Variants in SNX8 observed in about 807,000 individuals in gnomAD.
SNX8 encodes the protein sorting nexin 8.
In SNX8, 25 loss-of-function variants were observed where a neutral mutation model predicts 51.6. The observed-to-expected ratio is 0.48, with a 90% CI of 0.35 to 0.68. The LOEUF (loss-of-function observed/expected upper bound fraction) is 0.68, where lower values mean the gene tolerates loss of function less well. SNX8 is among the 30% of genes least tolerant of loss of function. SNX8 has a pLI of 0.00. For synonymous variants in SNX8, 324 were observed against 277.0 expected, an observed-to-expected ratio of 1.17 and a Z score of -1.68; for missense variants, 695 against 624.0, an observed-to-expected ratio of 1.11 and a Z score of -1.21.
intron 1 of SNX8, among the ~76,000 whole-genome samples, chr7:2,331,492 T>C (rs1778735778): frequency 6.6e-6 from 1 of 151,758 alleles, no homozygotes; most frequent in Admixed American, 6.6e-5. Flanking sequence ...GATCACGAGG[T>C]CAGGAGATCA....
intron 3 of SNX8, among the ~76,000 whole-genome samples, chr7:2,272,436 G>A (rs1478859237): frequency 6.6e-6 from 1 of 151,152 alleles, no homozygotes; most frequent in Non-Finnish European, 1.5e-5. Context: ...GTGCAGTGGC[G>A]CAATCTCGGC....
chr7:2,269,532 A>AG lies in SNX8; in HGVS notation c.621+26_621+27insC. On this transcript the variant is annotated intron_variant, in intron 5 of 10. Transcript: ENST00000222990. The stretch of plus-strand genomic sequence containing the variant: ...CAATAAAAAAATAAATTAAAAAAAA[A>AG]AAAAAAGAAAAAAAAAAGAAAAATA... 7 of 1,379,310 alleles carry AG rather than the reference A, an allele frequency of 5.1e-6. No homozygotes were observed. In the South Asian group the frequency reaches 8.4e-5, roughly 17 times the overall value. The allele number at this position is 1,379,310 out of a possible 1,614,324, so 85.4% of individuals were successfully genotyped here. A position where few individuals can be genotyped will look rare whatever the true frequency, so the allele number is the denominator to read the frequency against.
At chr7:2,321,575 C>T (rs1346376926) in intron 1 of SNX8, among the ~76,000 whole-genome samples, 4 of 151,694 alleles carry the variant, frequency 2.6e-5, no homozygotes, top group South Asian at 2.1e-4. Context: ...AACAGGCGCC[C>T]GCCACTACGC....
chr7:2,264,007 C>T (rs1265925609), intron 6 of SNX8, among the ~76,000 whole-genome samples: 1 of 152,144 alleles, frequency 6.6e-6, no homozygotes, highest in Non-Finnish European at 1.5e-5. Flanking sequence ...AGCCACCACG[C>T]CTGGCCTGGG....
intron 1 of SNX8, among the ~76,000 whole-genome samples, chr7:2,343,284 A>G (rs1340744057): frequency 6.6e-6 from 1 of 152,112 alleles, no homozygotes; most frequent in African/African-American, 2.4e-5. Flanking sequence ...CTGTATGATG[A>G]AAGAGACCAT....
chr7:2,333,377 T>C (rs1778773190), intron 1 of SNX8, among the ~76,000 whole-genome samples: 1 of 151,908 alleles, frequency 6.6e-6, no homozygotes. Context: ...CTGGCAAACA[T>C]GGTGAAATCC....
At chr7:2,348,695 G>C (rs1049097611) in intron 1 of SNX8, among the ~76,000 whole-genome samples, 2 of 151,474 alleles carry the variant, frequency 1.3e-5, no homozygotes, top group African/African-American at 4.8e-5. Flanking sequence ...GCTCACACCT[G>C]TAATTCCAGC....
Position 2,257,512 on chromosome 7 carries a change from G to A in SNX8, c.987C>T (p.Asp329=), listed in dbSNP as rs1562419847. 2.5e-6 allele frequency: 4 copies of A among 1,602,278 alleles called. No individual in the cohort carries two copies. The highest frequency in any genetic ancestry group is 1.7e-5 in the Admixed American group (1 of 58,970). Residue 329 remains aspartate, a splice_region_variant and synonymous_variant, in exon 9 of 11, where the codon GAC becomes GAT. Coordinates refer to ENST00000222990, the MANE Select transcript of SNX8 (RefSeq NM_013321.4). ...LFLDLLQSYK[D]LCERHEKGVL... is the part of the protein sequence containing the mutation. The stretch of plus-strand genomic sequence containing the variant: ...CGCCCTTCTCATGCCGCTCGCACAG[G>A]TCCTGCGGGGCCGGGGGAGGCATTC...
intron 1 of SNX8, among the ~76,000 whole-genome samples, chr7:2,323,849 A>C (rs1056978633): frequency 6.6e-6 from 1 of 152,160 alleles, no homozygotes; most frequent in African/African-American, 2.4e-5. Flanking sequence ...TCTGTTGCCC[A>C]GGCTTGAGTG....
At chr7:2,287,487 G>C (rs1796058075) in intron 1 of SNX8, among the ~76,000 whole-genome samples, 1 of 151,360 alleles carries the variant, frequency 6.6e-6, no homozygotes, top group Non-Finnish European at 1.5e-5. Flanking sequence ...GCTGAGGCAG[G>C]ACAATCACTT....
chr7:2,286,670 C>T (rs1027555537), intron 1 of SNX8, among the ~76,000 whole-genome samples: 1 of 151,576 alleles, frequency 6.6e-6, no homozygotes, highest in Non-Finnish European at 1.5e-5. Context: ...AGGCGCCCAC[C>T]ACCACATCCG....
intron 3 of SNX8, among the ~76,000 whole-genome samples, chr7:2,274,342 C>T (rs1478877515): frequency 2.0e-5 from 3 of 152,248 alleles, no homozygotes; most frequent in South Asian, 2.1e-4. Context: ...GCTGCGTCCC[C>T]GTCCAGGACA....
At chr7:2,298,986 C>A (rs1169209846) in intron 1 of SNX8, among the ~76,000 whole-genome samples, 1 of 152,104 alleles carries the variant, frequency 6.6e-6, no homozygotes, top group Non-Finnish European at 1.5e-5. Context: ...ACCCACCATG[C>A]CTGGTCTGAG....
chr7:2,346,737 C>CAA (rs143462126), intron 1 of SNX8, among the ~76,000 whole-genome samples: 838 of 44,410 alleles, frequency 0.019, 54 homozygotes, highest in Non-Finnish European at 0.023. Context: ...GACTCCGTCT[C>CAA]AAAAAAAAAA....
chr7:2,318,573 G>C (rs1796789952), upstream of SNX8, among the ~76,000 whole-genome samples: 4 of 151,808 alleles, frequency 2.6e-5, no homozygotes, highest in African/African-American at 9.7e-5. Context: ...GCAGGCGCCT[G>C]TAATCCCAGC....
intron 1 of SNX8, among the ~76,000 whole-genome samples, chr7:2,302,906 C>T (rs1392245526): frequency 2.0e-5 from 3 of 151,282 alleles, no homozygotes; most frequent in African/African-American, 7.3e-5. Context: ...CTCCGCCCGG[C>T]AGCCGCCCTG....
intron 1 of SNX8, among the ~76,000 whole-genome samples, chr7:2,313,619 T>A (rs1178551118): frequency 2.6e-5 from 4 of 151,660 alleles, no homozygotes; most frequent in Non-Finnish European, 5.9e-5. Flanking sequence ...TCCCAGCACT[T>A]TGGGAGGCCA....
chr7:2,263,047 A>G (rs1400895495), intron 7 of SNX8, among the ~76,000 whole-genome samples, 183 bp downstream of exon 7: 1 of 152,276 alleles, frequency 6.6e-6, no homozygotes, highest in Non-Finnish European at 1.5e-5. Context: ...TGAACCCAGG[A>G]GGCAGAGGTT....
chr7:2,329,034 C>T lies in SNX8; in HGVS notation c.-66+25188G>A, dbSNP rs188302007. ...CCGGGAGGCAGAGCTTGCAGTGAGC[C>T]GAGATCACGCCACTGCACTCCAGCC... On this transcript the variant is annotated intron_variant, in intron 1 of 5. Transcript: ENST00000435336. Among the ~76,000 whole-genome samples, 1,294 of 151,104 alleles carry T rather than the reference C, an allele frequency of 8.6e-3. 17 individuals carry two copies. Among genetic ancestry groups the T allele is most frequent in the African/African-American group, 0.029 (1,205 of 41,166 alleles).
Sources: gnomAD v4.1 joint callset for allele counts (sites outside exome capture counted in the v4.1 genomes callset) on GRCh38, gnomAD v4.1.1 for gene constraint, MANE v1.5 for transcripts, NCBI Gene and HGNC (gene_info 2026-07-23, HGNC 2026-07-21) for gene names.